Variants in SRGAP2C observed in about 807,000 individuals in gnomAD.
SRGAP2C encodes SLIT-ROBO Rho GTPase-activating protein 2C.
A neutral mutation model predicts 25.1 loss-of-function variants in SRGAP2C; 15 were observed. That is an observed-to-expected ratio of 0.60 (90% CI 0.40 to 0.92). SRGAP2C has a LOEUF of 0.92. Ranked by LOEUF, SRGAP2C falls within the 40% of genes least tolerant of loss-of-function variation. SRGAP2C has a pLI of 0.00. For missense variants in SRGAP2C, 144 were observed against 264.4 expected, an observed-to-expected ratio of 0.54 and a Z score of 3.16; for synonymous variants, 44 against 96.6, an observed-to-expected ratio of 0.46 and a Z score of 3.19.
At chr1:121,310,745 CGTT>C (rs1657964475) in intron 3 of SRGAP2C, among the ~76,000 whole-genome samples, 1 of 86,860 alleles carries the variant, frequency 1.2e-5, no homozygotes, top group African/African-American at 4.0e-5. Context: ...AGGTATGCGG[CGTT>C]ATTTCTGAGG....
chr1:121,198,137 CT>C (rs1396163343), intron 2 of SRGAP2C, among the ~76,000 whole-genome samples: 3 of 41,426 alleles, frequency 7.2e-5, no homozygotes, highest in African/African-American at 1.1e-4. Flanking sequence ...ATGAAATAGC[CT>C]TGACCTTATT....
At chr1:121,306,746 G>C (rs1275037942) in intron 3 of SRGAP2C, among the ~76,000 whole-genome samples, 1 of 149,960 alleles carries the variant, frequency 6.7e-6, no homozygotes, top group Non-Finnish European at 1.5e-5. Flanking sequence ...AGAAAAAAAC[G>C]ATTCTCAAAG....
intron 3 of SRGAP2C, among the ~76,000 whole-genome samples, chr1:121,295,566 A>G (rs1196233020): frequency 6.6e-6 from 1 of 152,118 alleles, no homozygotes; most frequent in Non-Finnish European, 1.5e-5. Context: ...AGACAGATGG[A>G]AAGCACCTGG....
chr1:121,372,317 C>A (rs1659516771), intron 5 of SRGAP2C, among the ~76,000 whole-genome samples: 1 of 152,086 alleles, frequency 6.6e-6, no homozygotes, highest in African/African-American at 2.4e-5. Context: ...ACATTTGGGC[C>A]AGATAATTAA....
intron 7 of SRGAP2C, among the ~76,000 whole-genome samples, chr1:121,378,972 T>G (rs2580570): frequency 6.6e-6 from 1 of 152,220 alleles, no homozygotes; most frequent in Non-Finnish European, 1.5e-5. Flanking sequence ...CATCTAAGAA[T>G]GGTAGGCTCA....
chr1:121,375,318 CTTTTTTTTT>C (rs1231177207), intron 7 of SRGAP2C, among the ~76,000 whole-genome samples: 1 of 19,796 alleles, frequency 5.1e-5, no homozygotes, highest in Non-Finnish European at 9.4e-5. Context: ...TACTTTCTTC[CTTTTTTTTT>C]TTTTTTTTTT....
intron 3 of SRGAP2C, among the ~76,000 whole-genome samples, chr1:121,298,313 A>G (rs1657639421): frequency 6.6e-6 from 1 of 152,126 alleles, no homozygotes; most frequent in Non-Finnish European, 1.5e-5. Context: ...TTTGGAGTTA[A>G]TAGTTAGCCC....
chr1:121,367,156 G>A (rs1273926578), intron 5 of SRGAP2C, among the ~76,000 whole-genome samples: 4 of 151,890 alleles, frequency 2.6e-5, no homozygotes, highest in African/African-American at 9.7e-5. Flanking sequence ...AATTGCCTGA[G>A]TGTGGTATCC....
chr1:121,335,340 C>G (rs1304456922), intron 4 of SRGAP2C, among the ~76,000 whole-genome samples: 24 of 118,690 alleles, frequency 2.0e-4, no homozygotes, highest in Non-Finnish European at 4.0e-4. Context: ...GACTCCATCT[C>G]AAAAAATAAA....
chr1:121,331,216 A>T (rs1426539977), intron 4 of SRGAP2C, among the ~76,000 whole-genome samples: 1 of 73,258 alleles, frequency 1.4e-5, no homozygotes, highest in East Asian at 5.0e-4. Flanking sequence ...ATGTTACCTT[A>T]TGCATGTAAT....
At chr1:121,291,489 AGAG>A (rs1657489825) in intron 3 of SRGAP2C, among the ~76,000 whole-genome samples, 1 of 142,406 alleles carries the variant, frequency 7.0e-6, no homozygotes, top group Non-Finnish European at 1.6e-5. Context: ...GGGAAGAGAA[AGAG>A]GAGAACAAAG....
At chr1:121,265,154 A>G (rs1202500188) in intron 2 of SRGAP2C, among the ~76,000 whole-genome samples, 5 of 139,566 alleles carry the variant, frequency 3.6e-5, no homozygotes, top group Non-Finnish European at 7.8e-5. Flanking sequence ...AGCCGAGATC[A>G]TGCCACTGTA....
At chr1:121,259,512 C>A (rs7523432) in intron 2 of SRGAP2C, among the ~76,000 whole-genome samples, 1 of 140,260 alleles carries the variant, frequency 7.1e-6, no homozygotes, top group Non-Finnish European at 1.5e-5. Context: ...AGTAGAAGAC[C>A]CTTTTTTTCT....
intron 3 of SRGAP2C, among the ~76,000 whole-genome samples, chr1:121,293,757 C>A (rs1657539388): frequency 7.1e-6 from 1 of 139,936 alleles, no homozygotes; most frequent in Non-Finnish European, 1.5e-5. Flanking sequence ...TCCCCCGGAG[C>A]TGTAGCAGCT....
chr1:121,328,898 A>C lies in SRGAP2C; in HGVS notation c.423+4258A>C, dbSNP rs1197508281. Among the ~76,000 whole-genome samples, 5 of 41,080 alleles carry C rather than the reference A, an allele frequency of 1.2e-4. No individual in the cohort carries two copies. The East Asian group carries it at 6.1e-3, about 51-fold the overall frequency. The allele number at this position is 41,080 out of a possible 152,430, so 27.0% of individuals were successfully genotyped here. ...CCAGACCCTGTCTGTTTAAAAAAAA[A>C]AAAAAAACAAAAAACAAAAAACAAA... On this transcript the variant is annotated intron_variant, in intron 4 of 9. Coordinates refer to ENST00000367123, the MANE Select transcript of SRGAP2C (RefSeq NM_001329984.2).
intron 2 of SRGAP2C, among the ~76,000 whole-genome samples, chr1:121,235,580 G>T (rs1655937012): frequency 2.4e-5 from 1 of 42,278 alleles, no homozygotes. Flanking sequence ...CAGAAGCCTT[G>T]CCTAAACCCT....
In SRGAP2C at chr1:121,257,117, AT is replaced by A. The variant is rs782384712; in HGVS notation, c.68-27671del. On this transcript the variant is annotated intron_variant, in intron 2 of 9. Coordinates refer to ENST00000367123, the MANE Select transcript of SRGAP2C (RefSeq NM_001329984.2). ...CTTCTTTTTAATTTTTTAAATTTAA[AT>A]TTTTTTTTTTTTTTGAGACAGAGTC... is the stretch of plus-strand genomic sequence containing the variant. Among the ~76,000 whole-genome samples, 10 of 14,200 alleles carry A rather than the reference AT, an allele frequency of 7.0e-4. 1 individual carries two copies. The highest frequency in any genetic ancestry group is 7.9e-4 in the Admixed American group (1 of 1,262). The allele number at this position is 14,200 out of a possible 152,430, so 9.3% of individuals were successfully genotyped here.
Position 121,186,462 on chromosome 1 carries a change from G to A in SRGAP2C, c.-542-443G>A, listed in dbSNP as rs1343205312. ...AACAACTGGGAGGAGGGGCGGGAGA[G>A]GAAGAAAAGTTGTGCCCTGGTGGCT... is the stretch of plus-strand genomic sequence containing the variant. On this transcript the variant is annotated intron_variant, in intron 1 of 9. Coordinates refer to ENST00000367123, the MANE Select transcript of SRGAP2C (RefSeq NM_001329984.2). 8.6e-5 allele frequency among the ~76,000 whole-genome samples: 9 copies of A among 104,912 alleles called. 1 individual carries two copies. Among genetic ancestry groups the A allele is most frequent in the African/African-American group, 1.8e-4 (5 of 28,338 alleles). 68.8% of individuals were successfully genotyped at this position (104,912 alleles called of 152,430 possible). A position where few individuals can be genotyped will look rare whatever the true frequency, so the allele number is the denominator to read the frequency against.
chr1:121,338,674 G>C (rs1158470827), intron 4 of SRGAP2C, among the ~76,000 whole-genome samples: 3 of 111,250 alleles, frequency 2.7e-5, no homozygotes, highest in African/African-American at 1.0e-4. Context: ...TGAATTCTTT[G>C]CACTAATTGT....
Sources: gnomAD v4.1 joint callset for allele counts (sites outside exome capture counted in the v4.1 genomes callset) on GRCh38, gnomAD v4.1.1 for gene constraint, MANE v1.5 for transcripts, NCBI Gene and HGNC (gene_info 2026-07-23, HGNC 2026-07-21) for gene names.